Variants in PTPRN2 observed in about 807,000 individuals in gnomAD.
The protein encoded by PTPRN2 is protein tyrosine phosphatase receptor type N2.
In PTPRN2, 74 loss-of-function variants were observed where a neutral mutation model predicts 118.8. The ratio of observed to expected loss-of-function variants is 0.62; its 90% confidence interval spans 0.52 to 0.76. The LOEUF (loss-of-function observed/expected upper bound fraction) is 0.76, where lower values mean the gene tolerates loss of function less well. Among genes scored for constraint, PTPRN2 ranks in the 30% least tolerant of loss-of-function variants. The probability of loss-of-function intolerance (pLI) is 0.00; values close to 1 mark genes in which losing one functional copy is unlikely to be tolerated. For missense variants in PTPRN2, 1,481 were observed against 1,394.4 expected, an observed-to-expected ratio of 1.06 and a Z score of -0.99; for synonymous variants, 641 against 608.0, an observed-to-expected ratio of 1.05 and a Z score of -0.80.
At chr7:157,669,481 C>A (rs1403132286) in intron 13 of PTPRN2, 3 of 467,568 alleles carry the variant, frequency 6.4e-6, no homozygotes, top group South Asian at 3.1e-5. Context: ...CAAGCCAGGG[C>A]CACAGAGCTC....
At chr7:158,109,249 G>C (rs1385029077) in intron 10 of PTPRN2, among the ~76,000 whole-genome samples, 3 of 150,958 alleles carry the variant, frequency 2.0e-5, no homozygotes, top group African/African-American at 7.3e-5. Context: ...GAAGGAGCCA[G>C]TGAGTGAATG....
Position 157,550,765 on chromosome 7 carries a change from G to A in PTPRN2, c.2903-1746C>T, listed in dbSNP as rs1295857261. Among the ~76,000 whole-genome samples, 1 of 152,182 alleles carries A rather than the reference G, an allele frequency of 6.6e-6. No homozygotes were observed. The highest frequency in any genetic ancestry group is 6.5e-5 in the Admixed American group (1 of 15,282). On this transcript the variant is annotated intron_variant, in intron 21 of 22. Transcript: ENST00000389418. The surrounding 1 kb of genome is among the most constrained non-coding windows in gnomAD (Gnocchi z 5.2). ...AGGCGGCTTTCTTTTGCGGCAGCCC[G>A]TGAGCTCGGCCACCAGGGAACTAGC...
intron 11 of PTPRN2, among the ~76,000 whole-genome samples, chr7:157,942,180 GCC>G (rs1201807952): frequency 0.033 from 1,146 of 35,034 alleles, 21 homozygotes; most frequent in Middle Eastern, 0.042. Context: ...GGGGTCCTCG[GCC>G]CACCCTCCAC....
chr7:157,610,480 C>A lies in PTPRN2; in HGVS notation c.2345-6405G>T, dbSNP rs148673813. On this transcript the variant is annotated intron_variant, in intron 15 of 22. Coordinates refer to ENST00000389418, the MANE Select transcript of PTPRN2 (RefSeq NM_002847.5). The surrounding 1 kb of genome is among the most constrained non-coding windows in gnomAD (Gnocchi z 5.1). Reference sequence around the variant, plus strand: ...AGCAGAGAACATGTTCCGGGATGTGCTCCACAGTTGGCACCAGCACCCACA... The same window carrying A: ...AGCAGAGAACATGTTCCGGGATGTGATCCACAGTTGGCACCAGCACCCACA... 7.2e-5 allele frequency among the ~76,000 whole-genome samples: 11 copies of A among 152,168 alleles called. No homozygotes were observed. The highest frequency in any genetic ancestry group is 1.7e-4 in the African/African-American group (7 of 41,440).
At chr7:158,144,567 G>C (rs1041885388) in intron 6 of PTPRN2, among the ~76,000 whole-genome samples, 9 of 152,106 alleles carry the variant, frequency 5.9e-5, no homozygotes, top group African/African-American at 1.9e-4. Context: ...TGAACCTTGG[G>C]GGTGGAGGTT....
intron 2 of PTPRN2, among the ~76,000 whole-genome samples, chr7:158,422,087 A>G (rs905685768): frequency 1.3e-5 from 2 of 152,242 alleles, no homozygotes; most frequent in African/African-American, 2.4e-5. Context: ...TTTTCACAGA[A>G]TATCTACTGA....
rs941008561 is a variant in PTPRN2, at chr7:157,688,934, G to A, written c.1789-5997C>T. Reference sequence around the variant, plus strand: ...ACACAAAGGCCAAGGGTTCCCGGGAGCCGCGGGTATTCAGAGCCAGGAGAG... The same window carrying A: ...ACACAAAGGCCAAGGGTTCCCGGGAACCGCGGGTATTCAGAGCCAGGAGAG... On this transcript the variant is annotated intron_variant, in intron 12 of 22. Coordinates refer to ENST00000389418, the MANE Select transcript of PTPRN2 (RefSeq NM_002847.5). Among the ~76,000 whole-genome samples the A allele has an allele frequency of 3.3e-4, 50 of 152,316 alleles. 1 individual carries two copies. Among genetic ancestry groups the A allele is most frequent in the African/African-American group, 1.2e-3 (49 of 41,590 alleles).
intron 5 of PTPRN2, among the ~76,000 whole-genome samples, chr7:158,175,393 C>T (rs1824098728): frequency 6.6e-6 from 1 of 152,156 alleles, no homozygotes; most frequent in African/African-American, 2.4e-5. Context: ...TTCACTGTGC[C>T]TTTCTGTCTC....
chr7:158,405,495 C>T (rs567851647), intron 2 of PTPRN2, among the ~76,000 whole-genome samples: 2 of 152,190 alleles, frequency 1.3e-5, no homozygotes, highest in Non-Finnish European at 2.9e-5. Flanking sequence ...AGAGCTGCAG[C>T]GTCCGACCGT....
intron 2 of PTPRN2, among the ~76,000 whole-genome samples, chr7:158,333,142 AGT>A: frequency 9.2e-6 from 1 of 108,506 alleles, no homozygotes; most frequent in African/African-American, 4.5e-5. Context: ...TCACACCCAC[AGT>A]CTCACCATAA....
At chr7:158,415,761 T>C (rs909343257) in intron 2 of PTPRN2, among the ~76,000 whole-genome samples, 2 of 152,170 alleles carry the variant, frequency 1.3e-5, no homozygotes, top group Admixed American at 6.5e-5. Flanking sequence ...CCTCATTCAA[T>C]TGATAAATGA....
chr7:157,695,646 C>A (rs1797729245), intron 12 of PTPRN2, among the ~76,000 whole-genome samples: 6 of 152,194 alleles, frequency 3.9e-5, no homozygotes. Context: ...AATTTAAGAA[C>A]AAAGACACTT....
intron 4 of PTPRN2, among the ~76,000 whole-genome samples, chr7:158,196,083 T>C (rs1826187472): frequency 6.6e-6 from 1 of 152,190 alleles, no homozygotes; most frequent in Non-Finnish European, 1.5e-5. Context: ...ATTATGAGGT[T>C]TGCAAGTCTT....
intron 3 of PTPRN2, among the ~76,000 whole-genome samples, chr7:158,268,301 C>A (rs529403203): frequency 6.2e-5 from 9 of 144,310 alleles, no homozygotes; most frequent in African/African-American, 2.3e-4. Flanking sequence ...GCACACGGGG[C>A]GGGTGTGAAA....
intron 21 of PTPRN2, among the ~76,000 whole-genome samples, chr7:157,565,843 C>CACAATCG (rs1365137712): frequency 3.9e-5 from 6 of 152,166 alleles, no homozygotes; most frequent in Non-Finnish European, 7.3e-5. Flanking sequence ...CAGATTCCTA[C>CACAATCG]ACAATCGTCT....
intron 2 of PTPRN2, among the ~76,000 whole-genome samples, chr7:158,462,630 T>A (rs1819089040): frequency 6.6e-6 from 1 of 152,178 alleles, no homozygotes; most frequent in African/African-American, 2.4e-5. Flanking sequence ...GGTTCCTCAA[T>A]GAATTCCTCT....
chr7:158,419,869 A>G (rs117959485), intron 2 of PTPRN2, among the ~76,000 whole-genome samples: 4,636 of 152,116 alleles, frequency 0.03, 97 homozygotes, highest in Middle Eastern at 0.082. Context: ...TTCAAAGCCC[A>G]CTCCTGAAGG....
chr7:158,583,668 T>G (rs1312089520), intron 1 of PTPRN2, among the ~76,000 whole-genome samples: 1 of 152,212 alleles, frequency 6.6e-6, no homozygotes, highest in Admixed American at 6.5e-5. Flanking sequence ...TCTAGCTTCA[T>G]GAGTGAACCC....
intron 2 of PTPRN2, among the ~76,000 whole-genome samples, chr7:158,392,914 G>A (rs1046652057): frequency 3.9e-5 from 6 of 152,204 alleles, no homozygotes; most frequent in African/African-American, 1.4e-4. Context: ...AGGAAGAACA[G>A]GGTGATGAGA....
Sources: allele counts gnomAD v4.1 joint callset (sites outside exome capture counted in the v4.1 genomes callset), GRCh38; gene constraint gnomAD v4.1.1; non-coding constraint Gnocchi (gnomAD v3.1); transcripts MANE v1.5; gene names NCBI Gene and HGNC (gene_info 2026-07-23, HGNC 2026-07-21).